SLC45A4: variants seen among roughly 807,000 people sequenced by gnomAD.
The protein encoded by SLC45A4 is solute carrier family 45 member 4.
Under a neutral mutation model 63.7 loss-of-function variants are expected in SLC45A4, and 32 were observed. The observed-to-expected ratio is 0.50, with a 90% CI of 0.38 to 0.67. The LOEUF (loss-of-function observed/expected upper bound fraction) is 0.67. SLC45A4 is among the 30% of genes least tolerant of loss of function. The probability of loss-of-function intolerance (pLI) is 0.00; values close to 1 mark genes in which losing one functional copy is unlikely to be tolerated. For synonymous variants in SLC45A4, 535 were observed against 510.0 expected (o/e 1.05, Z -0.66); for missense variants, 1,027 against 1,157.7 (o/e 0.89, Z 1.64).
rs761364199 is a variant in SLC45A4, at chr8:141,256,632, G to A, written c.-400-2003C>T. 9 of 456,082 alleles carry A rather than the reference G, an allele frequency of 2.0e-5. No homozygotes were observed. The highest frequency in any genetic ancestry group is 3.1e-5 in the South Asian group (2 of 64,574). 28.3% of individuals were successfully genotyped at this position (456,082 alleles called of 1,614,324 possible). ...CCTACATCTTCTTTCACGCTGCAGC[G>A]GAAACCAGAATGCCTACTAATTCCT... On this transcript the variant is annotated intron_variant, in intron 1 of 8. Coordinates refer to ENST00000517878, the MANE Select transcript of SLC45A4 (RefSeq NM_001286646.2). The surrounding 1 kb of genome is among the most constrained non-coding windows in gnomAD (Gnocchi z 4.3).
intron 4 of SLC45A4, among the ~76,000 whole-genome samples, chr8:141,219,440 T>C (rs1826439077): frequency 1.3e-5 from 2 of 151,992 alleles, no homozygotes; most frequent in African/African-American, 4.8e-5. Context: ...CTCCTGCCCC[T>C]TGAAGCTCCT....
intron 1 of SLC45A4, among the ~76,000 whole-genome samples, chr8:141,274,636 A>AGGAAC (rs1829663873): frequency 6.6e-6 from 1 of 152,064 alleles, no homozygotes; most frequent in South Asian, 2.1e-4. Context: ...AAGACCAAGT[A>AGGAAC]AACAACAAAA....
chr8:141,272,898 G>A (rs748641166), intron 1 of SLC45A4, among the ~76,000 whole-genome samples: 6 of 152,156 alleles, frequency 3.9e-5, no homozygotes, highest in Non-Finnish European at 5.9e-5. Flanking sequence ...ATACTGCATC[G>A]AATCAAAGCA....
rs186007566 is a variant in SLC45A4 at position 141,227,734 on chromosome 8, C to T, written c.242-5969G>A. Among the ~76,000 whole-genome samples the T allele has an allele frequency of 1.3e-5, 2 of 152,322 alleles. No homozygotes were observed. The highest frequency in any genetic ancestry group is 4.8e-5 in the African/African-American group (2 of 41,582). ...TGCAAGGAATGTTCCAGAACCACTA[C>T]AGCCACAGGAAGATAGGGAGGGGGT... On this transcript the variant is annotated intron_variant, in intron 2 of 8. Coordinates refer to ENST00000517878, the MANE Select transcript of SLC45A4 (RefSeq NM_001286646.2). This position sits in a 1 kb window ranked among gnomAD's most constrained non-coding sequence, Gnocchi z 4.4.
intron 2 of SLC45A4, among the ~76,000 whole-genome samples, chr8:141,244,957 T>TGGGGGGGGGGG (rs1243475649): frequency 2.4e-4 from 2 of 8,418 alleles, no homozygotes; most frequent in Non-Finnish European, 2.6e-4. Flanking sequence ...AAGACGTGGG[T>TGGGGGGGGGGG]GGGGGGGGGG....
At chr8:141,271,946 T>C (rs976580596) in intron 1 of SLC45A4, among the ~76,000 whole-genome samples, 2 of 151,018 alleles carry the variant, frequency 1.3e-5, no homozygotes, top group African/African-American at 4.9e-5. Context: ...CATTCACACA[T>C]GCACTCACAC....
chr8:141,231,930 C>T (rs913693699), intron 2 of SLC45A4, among the ~76,000 whole-genome samples: 15 of 152,356 alleles, frequency 9.8e-5, no homozygotes, highest in African/African-American at 3.1e-4. Context: ...GTTCTCCTCC[C>T]TCCATGGGCA....
chr8:141,235,431 G>T (rs1053405589), intron 2 of SLC45A4, among the ~76,000 whole-genome samples: 1 of 152,196 alleles, frequency 6.6e-6, no homozygotes. Flanking sequence ...CAAGGGTCAC[G>T]GTGACGAGGA....
intron 1 of SLC45A4, among the ~76,000 whole-genome samples, chr8:141,276,279 C>T (rs1255888303): frequency 1.3e-5 from 2 of 152,200 alleles, no homozygotes; most frequent in Non-Finnish European, 2.9e-5. Context: ...TCCAACATCA[C>T]ACAAGTCTGG....
intron 2 of SLC45A4, among the ~76,000 whole-genome samples, chr8:141,233,870 G>A (rs1031490876): frequency 1.8e-4 from 28 of 152,274 alleles, no homozygotes; most frequent in African/African-American, 6.5e-4. Context: ...GTCTGCGGCT[G>A]GACCTGACTC....
chr8:141,282,505 C>T (rs1011939519), intron 1 of SLC45A4, among the ~76,000 whole-genome samples: 1 of 152,098 alleles, frequency 6.6e-6, no homozygotes, highest in East Asian at 1.9e-4. Flanking sequence ...CAGGGCACGC[C>T]GCCTCCATCG....
At position 141,247,382 on chromosome 8, in the gene SLC45A4, C is replaced by T. The variant is rs1407778445; in HGVS notation, c.241+6607G>A. Among the ~76,000 whole-genome samples, 7 of 137,194 alleles carry T rather than the reference C, an allele frequency of 5.1e-5. No individual in the cohort carries two copies. The East Asian group carries it at 1.3e-3, about 26-fold the overall frequency. 90.0% of individuals were successfully genotyped at this position (137,194 alleles called of 152,430 possible). On this transcript the variant is annotated intron_variant, in intron 2 of 8. Transcript: ENST00000517878. The stretch of plus-strand genomic sequence containing the variant: ...GACCTACATACTAAAAATTATGAAA[C>T]ATTCCTAGGAGAAATTAAAGACTTA...
chr8:141,228,146 G>C (rs1424583318), intron 2 of SLC45A4: 1 of 1,613,546 alleles, frequency 6.2e-7, no homozygotes, highest in Non-Finnish European at 8.5e-7. Flanking sequence ...TGATCTGGGT[G>C]GAGGCAGCAG....
chr8:141,220,076 G>A (rs958264457), intron 3 of SLC45A4, among the ~76,000 whole-genome samples: 2 of 152,210 alleles, frequency 1.3e-5, no homozygotes, highest in African/African-American at 4.8e-5. Flanking sequence ...GACCTCCAAG[G>A]GTTTACGCGC....
At chr8:141,261,588 CAGAG>C (rs1275034961) in intron 1 of SLC45A4, among the ~76,000 whole-genome samples, 2 of 152,248 alleles carry the variant, frequency 1.3e-5, no homozygotes, top group East Asian at 1.9e-4. Flanking sequence ...AACAGACAAA[CAGAG>C]AGCCAAATCA....
intron 1 of SLC45A4, among the ~76,000 whole-genome samples, chr8:141,281,927 C>G (rs1829964865): frequency 6.6e-6 from 1 of 151,938 alleles, no homozygotes; most frequent in Non-Finnish European, 1.5e-5. Flanking sequence ...TGCACGGCAC[C>G]TTTCCTAACG....
At chr8:141,272,247 T>C (rs965856419) in intron 1 of SLC45A4, among the ~76,000 whole-genome samples, 4 of 152,270 alleles carry the variant, frequency 2.6e-5, no homozygotes, top group Non-Finnish European at 5.9e-5. Context: ...AGCATGATTA[T>C]GAAGCCTGCT....
At chr8:141,253,716 T>C (rs1328800099) in intron 2 of SLC45A4, among the ~76,000 whole-genome samples, 1 of 152,204 alleles carries the variant, frequency 6.6e-6, no homozygotes, top group Admixed American at 6.5e-5. Context: ...GAGCCAGTAC[T>C]TATCAGTGCC....
chr8:141,280,579 CG>C, intron 1 of SLC45A4, among the ~76,000 whole-genome samples: 1 of 152,258 alleles, frequency 6.6e-6, no homozygotes, highest in East Asian at 1.9e-4. Flanking sequence ...GTGGGTCACT[CG>C]GGGCCCCTGC....
Sources: gnomAD v4.1 joint callset for allele counts (sites outside exome capture counted in the v4.1 genomes callset) on GRCh38, gnomAD v4.1.1 for gene constraint, Gnocchi (gnomAD v3.1) non-coding constraint, MANE v1.5 for transcripts, NCBI Gene and HGNC (gene_info 2026-07-23, HGNC 2026-07-21) for gene names.